Variants in NR3C1 observed in about 807,000 individuals in gnomAD.
NR3C1 encodes nuclear receptor subfamily 3 group C member 1.
NR3C1 carries 14 observed loss-of-function variants against 74.0 expected under a neutral mutation model. That is an observed-to-expected ratio of 0.19 (90% CI 0.12 to 0.30). The LOEUF is 0.30. NR3C1 is among the 10% of genes least tolerant of loss of function. The pLI, the probability that NR3C1 is intolerant of heterozygous loss-of-function variation, is 1.00. For missense variants in NR3C1, 695 were observed against 909.8 expected, an observed-to-expected ratio of 0.76 and a Z score of 3.04; for synonymous variants, 308 against 332.5, an observed-to-expected ratio of 0.93 and a Z score of 0.80.
intron 1 of NR3C1, among the ~76,000 whole-genome samples, chr5:143,413,817 T>C (rs1030699702): frequency 3.9e-5 from 6 of 152,116 alleles, no homozygotes; most frequent in Non-Finnish European, 8.8e-5. Context: ...CACTGACACC[T>C]AAGAATGGGG....
At position 143,281,854 on chromosome 5, in the gene NR3C1, G is replaced by C; in HGVS notation, c.*35C>G. ...TTTATACAATAAAAGCTATTAATTC[G>C]ACTTTCTTTAAGGCAACCATTCTTA... is the stretch of plus-strand genomic sequence containing the variant. On this transcript the variant is annotated 3_prime_UTR_variant, in exon 9 of 9. Coordinates refer to ENST00000394464, the MANE Select transcript of NR3C1 (RefSeq NM_000176.3). The C allele has an allele frequency of 1.3e-6, 2 of 1,597,926 alleles. No homozygotes were observed. Among genetic ancestry groups the C allele is most frequent in the Non-Finnish European group, 1.7e-6 (2 of 1,166,468 alleles).
intron 3 of NR3C1, among the ~76,000 whole-genome samples, chr5:143,311,993 G>A (rs1821088011): frequency 6.6e-6 from 1 of 151,984 alleles, no homozygotes; most frequent in South Asian, 2.1e-4. Flanking sequence ...AAGACAATGA[G>A]ATATCTTATT....
chr5:143,391,386 A>G (rs1235248512), intron 2 of NR3C1, among the ~76,000 whole-genome samples: 1 of 152,192 alleles, frequency 6.6e-6, no homozygotes, highest in Non-Finnish European at 1.5e-5. Flanking sequence ...TTGGTATTCA[A>G]TATACTCAAG....
intron 2 of NR3C1, among the ~76,000 whole-genome samples, chr5:143,399,427 T>C (rs758255432): frequency 3.5e-4 from 53 of 152,184 alleles, no homozygotes; most frequent in Admixed American, 2.0e-3. Context: ...ATCCTCACCG[T>C]TGGCCAATGG....
At chr5:143,310,862 T>G (rs1820779802) in intron 3 of NR3C1, among the ~76,000 whole-genome samples, 1 of 152,116 alleles carries the variant, frequency 6.6e-6, no homozygotes, top group Non-Finnish European at 1.5e-5. Flanking sequence ...TTCACCATGT[T>G]GGCTAGGATT....
chr5:143,369,388 G>A (rs1035062260), intron 2 of NR3C1, among the ~76,000 whole-genome samples: 1 of 152,142 alleles, frequency 6.6e-6, no homozygotes, highest in Non-Finnish European at 1.5e-5. Flanking sequence ...ACAGAAACTT[G>A]TATATGAATG....
At chr5:143,335,027 G>A (rs970021755) in intron 2 of NR3C1, among the ~76,000 whole-genome samples, 3 of 152,192 alleles carry the variant, frequency 2.0e-5, no homozygotes, top group Non-Finnish European at 4.4e-5. Context: ...ACAAGGGTAT[G>A]CAATAGAGAA....
At chr5:143,307,861 A>G (rs1380014148) in intron 4 of NR3C1, among the ~76,000 whole-genome samples, 1 of 152,232 alleles carries the variant, frequency 6.6e-6, no homozygotes, top group African/African-American at 2.4e-5. Context: ...TACTGTTTTT[A>G]TAACAAAAAT....
chr5:143,288,285 A>T (rs1269488033), intron 7 of NR3C1, among the ~76,000 whole-genome samples: 1 of 151,400 alleles, frequency 6.6e-6, no homozygotes, highest in African/African-American at 2.4e-5. Flanking sequence ...CGCCTGGCTA[A>T]TTTTTTTGTA....
At chr5:143,334,374 C>G (rs1826665597) in intron 2 of NR3C1, among the ~76,000 whole-genome samples, 2 of 152,016 alleles carry the variant, frequency 1.3e-5, no homozygotes, top group Admixed American at 6.5e-5. Flanking sequence ...AAGCGAAACT[C>G]TGTCTCAAAA....
At chr5:143,376,909 A>C (rs1272476209) in intron 2 of NR3C1, among the ~76,000 whole-genome samples, 1 of 152,138 alleles carries the variant, frequency 6.6e-6, no homozygotes, top group African/African-American at 2.4e-5. Context: ...ATTTAGAATG[A>C]ATGATGGAGG....
chr5:143,362,779 T>C (rs1227850258), intron 2 of NR3C1, among the ~76,000 whole-genome samples: 1 of 152,210 alleles, frequency 6.6e-6, no homozygotes, highest in Non-Finnish European at 1.5e-5. Context: ...CTGGGGCACA[T>C]GACGGGTGGA....
chr5:143,317,672 G>A (rs1157011229), intron 2 of NR3C1, among the ~76,000 whole-genome samples: 1 of 152,144 alleles, frequency 6.6e-6, no homozygotes, highest in Non-Finnish European at 1.5e-5. Context: ...TTTGTTGCAA[G>A]CAAAGCAATT....
rs10041074 is a variant in NR3C1 at position 143,356,822 on chromosome 5, A to C, written c.1185-42654T>G. Among the ~76,000 whole-genome samples the C allele has an allele frequency of 4.2e-3, 639 of 152,316 alleles. 2 individuals carry two copies. Among genetic ancestry groups the C allele is most frequent in the African/African-American group, 0.015 (613 of 41,574 alleles). ...TCAGATGTACGTTACTTTTCCTTTT[A>C]AGAGCCCAAATGAGAAAGAATATAC... On this transcript the variant is annotated intron_variant, in intron 2 of 8. Coordinates refer to ENST00000394464, the MANE Select transcript of NR3C1 (RefSeq NM_000176.3).
chr5:143,377,446 C>T (rs563333047), intron 2 of NR3C1, among the ~76,000 whole-genome samples: 11 of 152,348 alleles, frequency 7.2e-5, no homozygotes, highest in Middle Eastern at 3.4e-3. Flanking sequence ...GCTATACCTT[C>T]GCCCACACTA....
chr5:143,371,562 C>CA (rs1357820271), intron 2 of NR3C1, among the ~76,000 whole-genome samples: 1 of 152,042 alleles, frequency 6.6e-6, no homozygotes, highest in Admixed American at 6.5e-5. Flanking sequence ...GATCAGGAGG[C>CA]AAAAAAGTAT....
intron 1 of NR3C1, among the ~76,000 whole-genome samples, chr5:143,401,102 G>A (rs1334088699): frequency 6.6e-6 from 1 of 152,126 alleles, no homozygotes; most frequent in Non-Finnish European, 1.5e-5. Flanking sequence ...AAAGTGTATC[G>A]AACTAAGCTT....
At chr5:143,368,688 TA>T (rs1238359541) in intron 2 of NR3C1, among the ~76,000 whole-genome samples, 1 of 152,186 alleles carries the variant, frequency 6.6e-6, no homozygotes, top group Non-Finnish European at 1.5e-5. Context: ...TCAACATCGT[TA>T]GTCATTTGGG....
In NR3C1 at chr5:143,399,712, A is replaced by C. The variant is rs1177532709; in HGVS notation, c.1128T>G (p.Thr376=). 4 of 1,614,200 alleles carry C rather than the reference A, an allele frequency of 2.5e-6. No homozygotes were observed. The highest frequency in any genetic ancestry group is 1.1e-5 in the South Asian group (1 of 91,086). Residue 376 remains threonine (T), a synonymous_variant, in exon 2 of 9, where the codon ACT becomes ACG. Coordinates refer to ENST00000394464, the MANE Select transcript of NR3C1 (RefSeq NM_000176.3). ...CAGGGAAGTTCAGAGTCCCCAGAGA[A>C]GTCAAGTTGTCATCTCCAGATCCTT... is the stretch of plus-strand genomic sequence containing the variant. ...RCQGSGDDNL[T]SLGTLNFPGR... is the part of the protein sequence containing the mutation.
Sources: gnomAD v4.1 joint callset for allele counts (sites outside exome capture counted in the v4.1 genomes callset) on GRCh38, gnomAD v4.1.1 for gene constraint, MANE v1.5 for transcripts, NCBI Gene and HGNC (gene_info 2026-07-23, HGNC 2026-07-21) for gene names.